The following COL24A1 variants were observed in gnomAD, a reference collection of about 807,000 sequenced individuals.
The protein encoded by COL24A1 is collagen type XXIV alpha 1 chain, also known as collagen alpha-1(XXIV) chain.
A neutral mutation model predicts 253.9 loss-of-function variants in COL24A1; 224 were observed. The observed-to-expected ratio is 0.88, with a 90% CI of 0.79 to 0.99. The LOEUF is 0.99. Among genes scored for constraint, COL24A1 ranks in the 50% least tolerant of loss-of-function variants. COL24A1 has a pLI of 0.00. For synonymous variants in COL24A1, 685 were observed against 673.7 expected (o/e 1.02, Z -0.26); for missense variants, 2,131 against 2,068.5 (o/e 1.03, Z -0.59).
intron 37 of COL24A1, among the ~76,000 whole-genome samples, chr1:85,852,962 T>C (rs1677959486): frequency 6.6e-6 from 1 of 152,192 alleles, no homozygotes; most frequent in East Asian, 1.9e-4. Context: ...TTATGTTTTA[T>C]TTTTTCTATC....
At chr1:86,109,525 C>A (rs1339255160) in intron 5 of COL24A1, among the ~76,000 whole-genome samples, 2 of 152,186 alleles carry the variant, frequency 1.3e-5, no homozygotes, top group African/African-American at 4.8e-5. Flanking sequence ...TGAGCCTAAG[C>A]AAGCAATTTG....
At chr1:85,877,351 T>C (rs1380295541) in intron 32 of COL24A1, among the ~76,000 whole-genome samples, 176 bp from the exon 33 acceptor site, 1 of 152,210 alleles carries the variant, frequency 6.6e-6, no homozygotes, top group Non-Finnish European at 1.5e-5. Flanking sequence ...CTTTAATTGA[T>C]TCATGTATGT....
At position 85,954,150 on chromosome 1, in the gene COL24A1, C is replaced by T. The variant is rs184911592; in HGVS notation, c.2562+7099G>A. ...TTGTTTATTACTCTTTAATATGGCACGTATAATAACTAGCTTGTTTTCTAC... is the reference window on the plus strand; with the variant it reads ...TTGTTTATTACTCTTTAATATGGCATGTATAATAACTAGCTTGTTTTCTAC... On this transcript the variant is annotated intron_variant, in intron 24 of 59. Transcript: ENST00000370571. 1.7e-4 allele frequency among the ~76,000 whole-genome samples: 26 copies of T among 152,138 alleles called. No homozygotes were observed. In the East Asian group the frequency reaches 4.4e-3, roughly 26 times the overall value.
intron 43 of COL24A1, among the ~76,000 whole-genome samples, chr1:85,824,416 T>C (rs1673995333): frequency 6.6e-6 from 1 of 152,206 alleles, no homozygotes; most frequent in Admixed American, 6.5e-5. Context: ...AGGAAACTAA[T>C]ATAGTCAATA....
chr1:85,939,916 G>A (rs1688583668), intron 24 of COL24A1, among the ~76,000 whole-genome samples: 1 of 151,572 alleles, frequency 6.6e-6, no homozygotes, highest in African/African-American at 2.4e-5. Flanking sequence ...GCATGAAGTA[G>A]TAGTATAAAT....
intron 47 of COL24A1, among the ~76,000 whole-genome samples, chr1:85,810,888 G>A (rs1183518113): frequency 6.6e-6 from 1 of 152,004 alleles, no homozygotes; most frequent in Non-Finnish European, 1.5e-5. Context: ...TTTCTTTATA[G>A]CAATGCAAGA....
At chr1:85,933,087 T>TAAA (rs747954578) in intron 24 of COL24A1, among the ~76,000 whole-genome samples, 1 of 123,628 alleles carries the variant, frequency 8.1e-6, no homozygotes, top group Admixed American at 8.8e-5. Flanking sequence ...TAGAGTATAA[T>TAAA]AAAAAAAAAA....
intron 24 of COL24A1, among the ~76,000 whole-genome samples, chr1:85,917,679 T>C (rs1686027193): frequency 6.6e-6 from 1 of 151,984 alleles, no homozygotes; most frequent in Non-Finnish European, 1.5e-5. Flanking sequence ...ATAAACTTCT[T>C]ATTGGTTTTA....
intron 53 of COL24A1, among the ~76,000 whole-genome samples, chr1:85,763,655 C>T (rs1430729234): frequency 4.0e-5 from 6 of 151,616 alleles, no homozygotes; most frequent in African/African-American, 1.5e-4. Flanking sequence ...CCACTCCTGG[C>T]TAATTTTTTT....
At chr1:85,947,540 G>A (rs1326920842) in intron 24 of COL24A1, among the ~76,000 whole-genome samples, 1 of 152,106 alleles carries the variant, frequency 6.6e-6, no homozygotes, top group Non-Finnish European at 1.5e-5. Context: ...TCTCCTGTAA[G>A]TATATCTATT....
chr1:85,861,513 T>C (rs146723025), intron 37 of COL24A1, among the ~76,000 whole-genome samples: 9 of 152,336 alleles, frequency 5.9e-5, no homozygotes, highest in Non-Finnish European at 1.0e-4. Context: ...CTAAGACTTT[T>C]ACAGTTTTAG....
intron 43 of COL24A1, among the ~76,000 whole-genome samples, chr1:85,824,532 C>A (rs919354226): frequency 6.6e-6 from 1 of 152,068 alleles, no homozygotes; most frequent in Non-Finnish European, 1.5e-5. Context: ...ACTATTTGGA[C>A]GGTAGATTTA....
At chr1:86,045,594 G>T (rs1699841226) in intron 12 of COL24A1, among the ~76,000 whole-genome samples, 1 of 152,056 alleles carries the variant, frequency 6.6e-6, no homozygotes, top group Admixed American at 6.6e-5. Flanking sequence ...GTATTCAAGT[G>T]TAACAGAGTA....
intron 38 of COL24A1, among the ~76,000 whole-genome samples, chr1:85,848,297 C>T (rs538130535): frequency 1.8e-4 from 27 of 152,068 alleles, no homozygotes; most frequent in Non-Finnish European, 3.7e-4. Context: ...ATTAGACACA[C>T]TGACCTTTCT....
At chr1:85,998,631 A>G (rs1161957368) in intron 19 of COL24A1, among the ~76,000 whole-genome samples, 1 of 152,174 alleles carries the variant, frequency 6.6e-6, no homozygotes, top group African/African-American at 2.4e-5. Flanking sequence ...TTGACTTTGC[A>G]TTATTCCAGT....
At chr1:86,132,398 T>G (rs55748342) in intron 2 of COL24A1, among the ~76,000 whole-genome samples, 44,659 of 152,026 alleles carry the variant, frequency 0.29, 6,641 homozygotes, top group South Asian at 0.5. Context: ...TTTTGGCTTT[T>G]GTTGCCATTG....
chr1:85,906,931 T>C (rs1356122266), intron 28 of COL24A1, among the ~76,000 whole-genome samples: 1 of 151,904 alleles, frequency 6.6e-6, no homozygotes, highest in African/African-American at 2.4e-5. Flanking sequence ...AATTGGAGGC[T>C]GGGAATAAGA....
intron 53 of COL24A1, among the ~76,000 whole-genome samples, chr1:85,773,559 G>C: frequency 6.6e-6 from 1 of 152,158 alleles, no homozygotes; most frequent in East Asian, 1.9e-4. Flanking sequence ...GTAGTGGTTT[G>C]TAGTTCTCCT....
chr1:86,107,786 C>T (rs946376354), intron 5 of COL24A1, among the ~76,000 whole-genome samples: 4 of 152,038 alleles, frequency 2.6e-5, no homozygotes, highest in African/African-American at 7.2e-5. Flanking sequence ...CTACCCGCCT[C>T]GGCCTCCCAA....
Sources: gnomAD v4.1 joint callset for allele counts (sites outside exome capture counted in the v4.1 genomes callset) on GRCh38, gnomAD v4.1.1 for gene constraint, MANE v1.5 for transcripts, NCBI Gene and HGNC (gene_info 2026-07-23, HGNC 2026-07-21) for gene names.